B4GALT2: variants seen among roughly 807,000 people sequenced by gnomAD.
B4GALT2 encodes the protein beta-1,4-galactosyltransferase 2, also known as N-acetyllactosamine synthase.
B4GALT2 carries 18 observed loss-of-function variants against 33.2 expected under a neutral mutation model. That is an observed-to-expected ratio of 0.54 (90% confidence interval 0.38 to 0.80). The LOEUF (loss-of-function observed/expected upper bound fraction) is 0.80. B4GALT2 is among the 30% of genes least tolerant of loss of function. The probability of loss-of-function intolerance (pLI) is 0.00; values close to 1 mark genes in which losing one functional copy is unlikely to be tolerated. For missense variants in B4GALT2, 404 were observed against 526.2 expected (o/e 0.77, Z 2.27); for synonymous variants, 214 against 217.6 (o/e 0.98, Z 0.15).
intron 6 of B4GALT2, among the ~76,000 whole-genome samples, chr1:43,989,551 C>T (rs994606229): frequency 1.3e-5 from 2 of 152,100 alleles, no homozygotes; most frequent in African/African-American, 4.8e-5. Flanking sequence ...CGGAGGGGGT[C>T]CTGACATATG....
chr1:43,981,772 C>T lies in B4GALT2; in HGVS notation c.397C>T (p.Arg133Ter), dbSNP rs752880625. The change falls in exon 3 of 7, where the codon CGA (arginine) becomes TGA (stop). Residue 133 changes from arginine (R) to a stop codon, truncating the protein, a stop_gained. Transcript: ENST00000372324. LOFTEE classifies it high-confidence loss of function. This position sits in a 1 kb window ranked among gnomAD's most constrained non-coding sequence, Gnocchi z 8.1. ...GAACCCAGGCGTGCTCATGGGCGGC[C>T]GATACACACCGCCCGACTGCACCCC... ...RENPGVLMGG[R>*]YTPPDCTPAQ... The T allele has an allele frequency of 3.1e-6, 5 of 1,613,588 alleles. No individual in the cohort carries two copies. Among genetic ancestry groups the T allele is most frequent in the South Asian group, 1.1e-5 (1 of 91,076 alleles).
At position 43,982,938 on chromosome 1, in the gene B4GALT2, G is replaced by A. The variant is rs1295218199; in HGVS notation, c.549+1014G>A. Among the ~76,000 whole-genome samples the A allele has an allele frequency of 6.6e-6, 1 of 152,166 alleles. No homozygotes were observed. ...CGGTGACCCTGCGGATGTGTGGGGC[G>A]GGAGTCGCGGGGAAGAAGTGGGGTT... On this transcript the variant is annotated intron_variant, in intron 3 of 6. Coordinates refer to ENST00000372324, the MANE Select transcript of B4GALT2 (RefSeq NM_003780.5). The surrounding 1 kb of genome is among the most constrained non-coding windows in gnomAD (Gnocchi z 4.3).
intron 1 of B4GALT2, chr1:43,980,162 C>A: frequency 8.8e-7 from 1 of 1,142,774 alleles, no homozygotes; most frequent in Non-Finnish European, 1.2e-6. Flanking sequence ...ATTCTGTGTG[C>A]CTGTGAGACT....
chr1:43,983,137 C>T (rs185738079), intron 3 of B4GALT2, among the ~76,000 whole-genome samples: 7 of 152,188 alleles, frequency 4.6e-5, no homozygotes, highest in East Asian at 1.9e-4. Context: ...TGAGTTTGAG[C>T]GCCTGTGGGA....
rs2085571425 is a variant in B4GALT2 at position 43,979,647 on chromosome 1, C to T, written c.-53+136C>T. The T allele has an allele frequency of 1.6e-5, 3 of 191,500 alleles. No individual in the cohort carries two copies. The highest frequency in any genetic ancestry group is 3.2e-5 in the Non-Finnish European group (3 of 92,938). 11.9% of individuals were successfully genotyped at this position (191,500 alleles called of 1,614,324 possible). ...AGAGGCGCCGGCGGCCAGACCCCGG[C>T]CTGGCTGCCCCCACCCCGCCCCCAC... On this transcript the variant is annotated intron_variant, in intron 1 of 6. Coordinates refer to ENST00000372324, the MANE Select transcript of B4GALT2 (RefSeq NM_003780.5). This position sits in a 1 kb window ranked among gnomAD's most constrained non-coding sequence, Gnocchi z 4.8.
rs776860311 is a variant in B4GALT2, at chr1:43,984,855, C to T, written c.550-10C>T. 1.2e-6 allele frequency: 2 copies of T among 1,612,166 alleles called. No homozygotes were observed. The highest frequency in any genetic ancestry group is 1.7e-6 in the Non-Finnish European group (2 of 1,178,924). ...AGGCCCAGGGTTGACCTGCTCCTCC[C>T]CCTACCCAGCATGGTGAGGACACCT... On this transcript the variant is annotated splice_polypyrimidine_tract_variant and intron_variant, in intron 3 of 6. Transcript: ENST00000372324. The surrounding 1 kb of genome is among the most constrained non-coding windows in gnomAD (Gnocchi z 5.6).
rs370480154 is a variant in B4GALT2, at chr1:43,990,649, T to C, written c.*201T>C. ...CTCCTGCCTGGGCAGGCTCTTCAAG[T>C]GTGGCCCTCTTTGGAGTCAACCCTC... is the stretch of plus-strand genomic sequence containing the variant. On this transcript the variant is annotated 3_prime_UTR_variant, in exon 7 of 7. Coordinates refer to ENST00000372324, the MANE Select transcript of B4GALT2 (RefSeq NM_003780.5). 2,887 of 693,668 alleles carry C rather than the reference T, an allele frequency of 4.2e-3. 97 individuals are homozygous for C. The South Asian group carries it at 0.051, about 12-fold the overall frequency. 43.0% of individuals were successfully genotyped at this position (693,668 alleles called of 1,614,324 possible). A position where few individuals can be genotyped will look rare whatever the true frequency, so the allele number is the denominator to read the frequency against.
Position 43,984,718 on chromosome 1 carries a change from C to A in B4GALT2, c.550-147C>A, listed in dbSNP as rs913329833. ...AGGCCTTTGTAGGCCAGATCCCGGTCGAGAAGCTGGACTAGATCCTGAGAG... is the reference window on the plus strand; with the variant it reads ...AGGCCTTTGTAGGCCAGATCCCGGTAGAGAAGCTGGACTAGATCCTGAGAG... On this transcript the variant is annotated intron_variant, in intron 3 of 6. Transcript: ENST00000372324. This position sits in a 1 kb window ranked among gnomAD's most constrained non-coding sequence, Gnocchi z 5.6. 59 of 846,504 alleles carry A rather than the reference C, an allele frequency of 7.0e-5. No homozygotes were observed. The highest frequency in any genetic ancestry group is 9.1e-5 in the Non-Finnish European group (51 of 560,818). The allele number at this position is 846,504 out of a possible 1,614,324, so 52.4% of individuals were successfully genotyped here.
chr1:43,986,955 C>T lies in B4GALT2; in HGVS notation c.968+1334C>T, dbSNP rs1456423890. Reference sequence around the variant, plus strand: ...CCCCAGCTTGAGCAGGAGGGTTTTTCTACTCTGAACACGGGGTAGGAGTGG... The same window carrying T: ...CCCCAGCTTGAGCAGGAGGGTTTTTTTACTCTGAACACGGGGTAGGAGTGG... On this transcript the variant is annotated intron_variant, in intron 6 of 6. Transcript: ENST00000372324. Among the ~76,000 whole-genome samples, 4 of 152,096 alleles carry T rather than the reference C, an allele frequency of 2.6e-5. No homozygotes were observed. The East Asian group carries it at 7.7e-4, about 29-fold the overall frequency.
At chr1:43,986,332 G>A (rs1217802336) in intron 6 of B4GALT2, 1 of 152,316 alleles carries the variant, frequency 6.6e-6, no homozygotes, top group Non-Finnish European at 1.5e-5. Context: ...TATAGCACAA[G>A]GTCATCAAGG....
chr1:43,987,495 C>T (rs1305047640), intron 6 of B4GALT2, among the ~76,000 whole-genome samples: 1 of 152,112 alleles, frequency 6.6e-6, no homozygotes, highest in Non-Finnish European at 1.5e-5. Flanking sequence ...TCTGGGAGTT[C>T]TGGATTCTTC....
At chr1:43,990,153 C>G (rs1440612250) in intron 6 of B4GALT2, 145 bp from the exon 7 acceptor site, 2 of 1,003,336 alleles carry the variant, frequency 2.0e-6, no homozygotes, top group Non-Finnish European at 1.5e-6. Flanking sequence ...ACGTCCCTTC[C>G]CATCATAGCT....
chr1:43,984,400 C>T lies in B4GALT2; in HGVS notation c.550-465C>T, dbSNP rs1050880683. ...ATCCCCGCTAGCACAAAGGAGAGAG[C>T]GCCACAGGGCATGTTTGAATGAGTG... is the stretch of plus-strand genomic sequence containing the variant. On this transcript the variant is annotated intron_variant, in intron 3 of 6. Transcript: ENST00000372324. The surrounding 1 kb of genome is among the most constrained non-coding windows in gnomAD (Gnocchi z 5.6). 3.3e-5 allele frequency among the ~76,000 whole-genome samples: 5 copies of T among 152,220 alleles called. No homozygotes were observed. The highest frequency in any genetic ancestry group is 1.9e-4 in the East Asian group (1 of 5,188).
intron 5 of B4GALT2, 56 bp downstream of exon 5, chr1:43,985,456 A>C (rs538125005): frequency 2.3e-5 from 29 of 1,250,398 alleles, no homozygotes; most frequent in Non-Finnish European, 2.6e-5. Context: ...GGGGGTGCAG[A>C]CTGGGTGGGG....
In B4GALT2 at chr1:43,981,660, C is replaced by T; in HGVS notation, c.314-29C>T. 1 of 1,582,430 alleles carries T rather than the reference C, an allele frequency of 6.3e-7. No individual in the cohort carries two copies. The highest frequency in any genetic ancestry group is 8.6e-7 in the Non-Finnish European group (1 of 1,160,944). ...GGTATCTGTGGATTCTGGCCAATGC[C>T]CTGATTCCTGACACTGTCCTGTCTG... On this transcript the variant is annotated intron_variant, in intron 2 of 6. Coordinates refer to ENST00000372324, the MANE Select transcript of B4GALT2 (RefSeq NM_003780.5). This position sits in a 1 kb window ranked among gnomAD's most constrained non-coding sequence, Gnocchi z 8.1.
chr1:43,988,860 A>AAG (rs1319155106), intron 6 of B4GALT2, among the ~76,000 whole-genome samples: 1 of 151,450 alleles, frequency 6.6e-6, no homozygotes, highest in East Asian at 1.9e-4. Context: ...AAAAAAAAAA[A>AAG]AAAAAAAGTC....
intron 6 of B4GALT2, 104 bp downstream of exon 6, chr1:43,985,725 CCA>C: frequency 2.8e-6 from 3 of 1,067,464 alleles, no homozygotes; most frequent in Non-Finnish European, 4.3e-6. Flanking sequence ...TGGGGGACCT[CCA>C]AGCATCCTTG....
chr1:43,981,512 G>A lies in B4GALT2; in HGVS notation c.313+39G>A, dbSNP rs766581340. Reference sequence around the variant, plus strand: ...GTAGGGCCTGCCTGTGGGGAAACAGGGTTTTATTGGTTTGACTAGAGAAAT... The same window carrying A: ...GTAGGGCCTGCCTGTGGGGAAACAGAGTTTTATTGGTTTGACTAGAGAAAT... On this transcript the variant is annotated intron_variant, in intron 2 of 6. Coordinates refer to ENST00000372324, the MANE Select transcript of B4GALT2 (RefSeq NM_003780.5). The surrounding 1 kb of genome is among the most constrained non-coding windows in gnomAD (Gnocchi z 8.1). 74 of 1,531,708 alleles carry A rather than the reference G, an allele frequency of 4.8e-5. 1 individual carries two copies. In the Admixed American group the frequency reaches 1.4e-3, roughly 28 times the overall value. The allele number at this position is 1,531,708 out of a possible 1,614,324, so 94.9% of individuals were successfully genotyped here.
chr1:43,985,448 GGGTGCAGACTGGGT>G, intron 5 of B4GALT2, 48 bp downstream of exon 5: 1 of 855,298 alleles, frequency 1.2e-6, no homozygotes, highest in African/African-American at 1.7e-5. Context: ...GGGGGAGGGG[GGGTGCAGACTGGGT>G]GGGGTTCTTT....
Sources: gnomAD v4.1 joint callset for allele counts (sites outside exome capture counted in the v4.1 genomes callset) on GRCh38, gnomAD v4.1.1 for gene constraint, Gnocchi (gnomAD v3.1) non-coding constraint, MANE v1.5 for transcripts, NCBI Gene and HGNC (gene_info 2026-07-23, HGNC 2026-07-21) for gene names.